The following ODAD4 variants were observed in gnomAD, a reference collection of about 807,000 sequenced individuals.
The protein encoded by ODAD4 is outer dynein arm docking complex subunit 4.
Under a neutral mutation model 51.8 loss-of-function variants are expected in ODAD4, and 49 were observed. The observed-to-expected ratio is 0.95, with a 90% CI of 0.75 to 1.20. The LOEUF is 1.20. ODAD4 is among the 50% of genes most tolerant of loss of function. ODAD4 has a pLI of 0.00. For synonymous variants in ODAD4, 235 were observed against 221.3 expected (o/e 1.06, Z -0.55); for missense variants, 590 against 586.5 (o/e 1.01, Z -0.06).
At chr17:41,945,330 G>T in intron 8 of ODAD4, 108 bp downstream of exon 8, 10 of 610,284 alleles carry the variant, frequency 1.6e-5, no homozygotes, top group East Asian at 3.3e-5. Context: ...AACATAGGAA[G>T]ACTCCCTCTC....
In ODAD4 at chr17:41,944,431, CACACACACA is replaced by C. The variant is rs2050554076; in HGVS notation, c.1059-704_1059-696del. Among the ~76,000 whole-genome samples, 5 of 5,492 alleles carry C rather than the reference CACACACACA, an allele frequency of 9.1e-4. 1 individual carries two copies. Among genetic ancestry groups the C allele is most frequent in the East Asian group, 0.026 (1 of 38 alleles). The allele number at this position is 5,492 out of a possible 152,430, so 3.6% of individuals were successfully genotyped here. On this transcript the variant is annotated intron_variant, in intron 7 of 11. Coordinates refer to ENST00000377540, the MANE Select transcript of ODAD4 (RefSeq NM_031421.5). The stretch of plus-strand genomic sequence containing the variant: ...ACACACACACACACACACACACACA[CACACACACA>C]CACACCCCCCCGCATACACAGAAAT...
At position 41,936,537 on chromosome 17, in the gene ODAD4, A is replaced by T. The variant is rs567791589; in HGVS notation, c.459+3A>T. ...CCTTCTTAAGCAAGCAGGCTGAGGT[A>T]AGGGCCCTGGTTCTGTGGTTGTATC... On this transcript the variant is annotated splice_donor_region_variant and intron_variant, in intron 4 of 11. Transcript: ENST00000377540. The T allele has an allele frequency of 1.9e-6, 3 of 1,610,592 alleles. No homozygotes were observed. The highest frequency in any genetic ancestry group is 1.3e-5 in the African/African-American group (1 of 74,982).
At chr17:41,958,358 G>A (rs1555641262) in intron 10 of ODAD4, among the ~76,000 whole-genome samples, 1 of 152,106 alleles carries the variant, frequency 6.6e-6, no homozygotes, top group Non-Finnish European at 1.5e-5. Flanking sequence ...AGCCACGTGA[G>A]GCTAAAGTTA....
chr17:41,959,897 G>A (rs1344594253), intron 10 of ODAD4, among the ~76,000 whole-genome samples: 7 of 152,192 alleles, frequency 4.6e-5, no homozygotes, highest in Admixed American at 1.3e-4. Context: ...CCCAGCAGGC[G>A]CAGTCTATCC....
chr17:41,945,381 C>T, intron 8 of ODAD4, 159 bp downstream of exon 8: 1 of 617,888 alleles, frequency 1.6e-6, no homozygotes, highest in South Asian at 2.0e-5. Flanking sequence ...GCATACTGTC[C>T]TGTGCCTGTG....
At chr17:41,950,433 A>C (rs1304691958) in intron 9 of ODAD4, among the ~76,000 whole-genome samples, 5 of 148,724 alleles carry the variant, frequency 3.4e-5, no homozygotes, top group Non-Finnish European at 5.9e-5. Context: ...CCCAGGCTGG[A>C]GTGCAGTGGC....
Position 41,961,422 on chromosome 17 carries a change from G to GGAAA in ODAD4, c.1485_1488dup (p.Thr497GlufsTer20). 1 of 744,460 alleles carries GGAAA rather than the reference G, an allele frequency of 1.3e-6. No homozygotes were observed. Among genetic ancestry groups the GGAAA allele is most frequent in the Non-Finnish European group, 2.5e-6 (1 of 399,946 alleles). The allele number at this position is 744,460 out of a possible 1,614,324, so 46.1% of individuals were successfully genotyped here. On this transcript the variant is annotated frameshift_variant, in exon 11 of 12. Transcript: ENST00000377540. LOFTEE classifies it low-confidence loss of function (END_TRUNC). ...AACAAGGGTATCATCAGAGAACTGA[G>GGAAA]GAAAACCAACTACGTGGAGAATCTC... is the stretch of plus-strand genomic sequence containing the variant.
intron 10 of ODAD4, among the ~76,000 whole-genome samples, chr17:41,955,617 A>G (rs369580137): frequency 1.6e-3 from 242 of 152,032 alleles, no homozygotes; most frequent in Admixed American, 2.7e-3. Context: ...TAGTAGAGAC[A>G]GGGTTTCACT....
chr17:41,935,865 A>G (rs2144491740), intron 3 of ODAD4, 116 bp downstream of exon 3: 1 of 1,260,096 alleles, frequency 7.9e-7, no homozygotes. Context: ...AGGGAGTCCT[A>G]CACCTGGATT....
chr17:41,942,083 G>A (rs2050514594), intron 7 of ODAD4, among the ~76,000 whole-genome samples: 1 of 152,192 alleles, frequency 6.6e-6, no homozygotes. Context: ...AAGTAGCTGG[G>A]ATTATTGGCA....
At chr17:41,956,193 GC>G (rs1287316286) in intron 10 of ODAD4, among the ~76,000 whole-genome samples, 1 of 151,090 alleles carries the variant, frequency 6.6e-6, no homozygotes, top group Non-Finnish European at 1.5e-5. Flanking sequence ...GATCACAGGC[GC>G]CCCCCCACCA....
intron 11 of ODAD4, among the ~76,000 whole-genome samples, chr17:41,962,535 G>A (rs150185965): frequency 1.1e-4 from 16 of 152,286 alleles, no homozygotes; most frequent in South Asian, 2.1e-4. Flanking sequence ...CATGCTTCCC[G>A]CAGGCCAGGC....
intron 8 of ODAD4, among the ~76,000 whole-genome samples, chr17:41,948,266 C>T (rs1435068365): frequency 5.3e-5 from 8 of 151,264 alleles, no homozygotes; most frequent in African/African-American, 1.5e-4. Flanking sequence ...TCATTCCAAT[C>T]TTTTTTGTTT....
intron 2 of ODAD4, 53 bp from the exon 3 acceptor site, chr17:41,935,546 G>A (rs576418484): frequency 7.6e-6 from 12 of 1,574,530 alleles, no homozygotes; most frequent in African/African-American, 5.4e-5. Flanking sequence ...CACCACATGT[G>A]AGTCCTATAA....
At chr17:41,952,275 G>T (rs2050664445) in intron 9 of ODAD4, among the ~76,000 whole-genome samples, 1 of 151,416 alleles carries the variant, frequency 6.6e-6, no homozygotes, top group South Asian at 2.1e-4. Flanking sequence ...GGCTGAGGCA[G>T]GAGAGTTGCT....
chr17:41,958,944 A>G (rs1318176408), intron 10 of ODAD4, among the ~76,000 whole-genome samples: 2 of 148,114 alleles, frequency 1.4e-5, no homozygotes, highest in Non-Finnish European at 3.0e-5. Context: ...AACCTGAGAG[A>G]TGGAGGTTGC....
Position 41,936,846 on chromosome 17 carries a change from A to C in ODAD4, c.544A>C (p.Lys182Gln). ...KGEPKWKASL[K>Q]SEKTVRQLLG... Reference sequence around the variant, plus strand: ...AGAGCCCAAGTGGAAGGCCTCGCTCAAGAGTGAGAAGACTGTCCGCCAGCT... The same window carrying C: ...AGAGCCCAAGTGGAAGGCCTCGCTCCAGAGTGAGAAGACTGTCCGCCAGCT... Residue 182 changes from lysine (K) to glutamine (Q), a missense_variant, in exon 5 of 12, where the codon AAG (lysine) becomes CAG (glutamine). By Grantham distance (53) the Lys-to-Gln change is moderately conservative. Transcript: ENST00000377540. 1 of 1,613,966 alleles carries C rather than the reference A, an allele frequency of 6.2e-7. No homozygotes were observed. Among genetic ancestry groups the C allele is most frequent in the Non-Finnish European group, 8.5e-7 (1 of 1,179,888 alleles).
intron 5 of ODAD4, among the ~76,000 whole-genome samples, chr17:41,937,893 G>A (rs1199738589): frequency 6.6e-6 from 1 of 152,192 alleles, no homozygotes; most frequent in Non-Finnish European, 1.5e-5. Flanking sequence ...GCCTGAGCAG[G>A]GTCACCTGTG....
rs1205016986 is a variant in ODAD4, at chr17:41,965,699, A to G, written c.*216A>G. 3 of 510,152 alleles carry G rather than the reference A, an allele frequency of 5.9e-6. No individual in the cohort carries two copies. The highest frequency in any genetic ancestry group is 3.4e-5 in the East Asian group (1 of 29,214). The allele number at this position is 510,152 out of a possible 1,614,324, so 31.6% of individuals were successfully genotyped here. ...CTTCACCCCTGCCCATTCTTGGAAG[A>G]GCATCGTGGAAGAAATGAGAAAGGT... On this transcript the variant is annotated 3_prime_UTR_variant, in exon 12 of 12. Transcript: ENST00000377540.
Sources: gnomAD v4.1 joint callset for allele counts (sites outside exome capture counted in the v4.1 genomes callset) on GRCh38, gnomAD v4.1.1 for gene constraint, MANE v1.5 for transcripts, NCBI Gene and HGNC (gene_info 2026-07-23, HGNC 2026-07-21) for gene names.